The following CLIC2 variants were observed in gnomAD, a reference collection of about 807,000 sequenced individuals.
CLIC2 encodes CLIC family member 2, also known as chloride intracellular channel protein 2.
Under a neutral mutation model 14.8 loss-of-function variants are expected in CLIC2, and 9 were observed. The observed-to-expected ratio is 0.61, with a 90% CI of 0.37 to 1.06. CLIC2 has a LOEUF of 1.06. CLIC2 is among the 50% of genes least tolerant of loss of function. The probability of loss-of-function intolerance (pLI) is 0.01; values close to 1 mark genes in which losing one functional copy is unlikely to be tolerated. For missense variants in CLIC2, 148 were observed against 181.4 expected, an observed-to-expected ratio of 0.82 and a Z score of 1.06; for synonymous variants, 61 against 66.3, an observed-to-expected ratio of 0.92 and a Z score of 0.39.
intron 1 of CLIC2, among the ~76,000 whole-genome samples, chrX:155,313,396 A>T (rs1557320809): frequency 9.0e-6 from 1 of 111,730 alleles, no homozygotes; most frequent in Admixed American, 9.5e-5. Context: ...AAATTATTTT[A>T]TCATAAAGAT....
At chrX:155,297,474 C>A (rs781860485) in intron 3 of CLIC2, among the ~76,000 whole-genome samples, 1 of 109,924 alleles carries the variant, frequency 9.1e-6, no homozygotes, top group East Asian at 2.9e-4. Context: ...TTGACTTTAT[C>A]ACTATGCATT....
intron 1 of CLIC2, among the ~76,000 whole-genome samples, chrX:155,306,002 G>A (rs908131997): frequency 5.4e-5 from 6 of 111,524 alleles, no homozygotes; most frequent in African/African-American, 1.6e-4. Flanking sequence ...TCATTTATTT[G>A]GATTTTGTTT....
At chrX:155,306,595 T>G (rs1409046719) in intron 1 of CLIC2, among the ~76,000 whole-genome samples, 5 of 111,619 alleles carry the variant, frequency 4.5e-5, no homozygotes, top group Non-Finnish European at 7.5e-5. Flanking sequence ...AAAAGAGGTT[T>G]AATTGGCTCA....
At chrX:155,307,010 G>A (rs782367910) in intron 1 of CLIC2, among the ~76,000 whole-genome samples, 10 of 111,416 alleles carry the variant, frequency 9.0e-5, no homozygotes, top group Admixed American at 1.9e-4. Context: ...GAGTTTATTG[G>A]TGGACCCTCT....
At chrX:155,293,649 A>G (rs1297011257) in intron 3 of CLIC2, among the ~76,000 whole-genome samples, 1 of 112,210 alleles carries the variant, frequency 8.9e-6, no homozygotes, top group Non-Finnish European at 1.9e-5. Flanking sequence ...ACATAATCCA[A>G]CTACATAGTA....
chrX:155,305,328 T>A (rs782438433), intron 1 of CLIC2, among the ~76,000 whole-genome samples: 1 of 112,057 alleles, frequency 8.9e-6, no homozygotes, highest in Non-Finnish European at 1.9e-5. Flanking sequence ...GTGGGAGTGA[T>A]CCGATTTTCC....
chrX:155,302,643 GCT>G (rs2075024737), intron 1 of CLIC2, among the ~76,000 whole-genome samples: 1 of 63,894 alleles, frequency 1.6e-5, no homozygotes, highest in African/African-American at 5.1e-5. Context: ...GTTTGCTCTT[GCT>G]TTTCTAGTTC....
At chrX:155,305,254 C>CGA (rs1261598833) in intron 1 of CLIC2, among the ~76,000 whole-genome samples, 1 of 112,269 alleles carries the variant, frequency 8.9e-6, no homozygotes, top group African/African-American at 3.2e-5. Flanking sequence ...TGGGACCCTC[C>CGA]GAGCCAGGTG....
At chrX:155,278,467 G>T (rs1187113402) in intron 5 of CLIC2, among the ~76,000 whole-genome samples, 1 of 111,993 alleles carries the variant, frequency 8.9e-6, no homozygotes, top group Non-Finnish European at 1.9e-5. Flanking sequence ...TTAAATTTAT[G>T]ATTAATTCAT....
At chrX:155,321,962 G>C (rs1284502220) in intron 1 of CLIC2, among the ~76,000 whole-genome samples, 1 of 111,322 alleles carries the variant, frequency 9.0e-6, no homozygotes, top group Non-Finnish European at 1.9e-5. Flanking sequence ...AAAAGACAAA[G>C]AAGGGTATTA....
intron 1 of CLIC2, among the ~76,000 whole-genome samples, chrX:155,334,027 A>G (rs1557323072): frequency 9.0e-6 from 1 of 111,026 alleles, no homozygotes; most frequent in Non-Finnish European, 1.9e-5. Flanking sequence ...TCATCTTGTC[A>G]TGCTCCTTCA....
At chrX:155,293,125 C>T (rs1324329332) in intron 3 of CLIC2, 5 of 627,733 alleles carry the variant, frequency 8.0e-6, no homozygotes, top group Non-Finnish European at 5.5e-6. Context: ...TGATGAGAAG[C>T]GGAAAAATAA....
At chrX:155,297,860 C>CAAAAAA (rs200891873) in intron 3 of CLIC2, among the ~76,000 whole-genome samples, 1 of 5,123 alleles carries the variant, frequency 2.0e-4, no homozygotes, top group African/African-American at 4.3e-4. Flanking sequence ...ACTCCGGTCT[C>CAAAAAA]AAAAAAAAAA....
rs1248804942 is a variant in CLIC2, at chrX:155,304,854, G to C, written c.58-5709C>G. ...GTACCCTGCCGTGTGAGGTGTCAGT[G>C]TGCCCCTGCTGGGGGGTGCCTCCCA... On this transcript the variant is annotated intron_variant, in intron 1 of 5. Transcript: ENST00000369449. Among the ~76,000 whole-genome samples the C allele has an allele frequency of 4.9e-4, 43 of 88,269 alleles. 1 individual carries two copies. Among genetic ancestry groups the C allele is most frequent in the East Asian group, 1.5e-3 (4 of 2,624 alleles). 76.7% of individuals were successfully genotyped at this position (88,269 alleles called of 115,157 possible). A position where few individuals can be genotyped will look rare whatever the true frequency, so the allele number is the denominator to read the frequency against.
chrX:155,286,207 C>T lies in CLIC2; in HGVS notation c.294-6139G>A, dbSNP rs1266532762. 8.0e-5 allele frequency among the ~76,000 whole-genome samples: 9 copies of T among 111,958 alleles called. No homozygotes were observed. The East Asian group carries it at 2.5e-3, about 31-fold the overall frequency. ...TCATGAGTTCTCATCATTTAGCTCC[C>T]GCTTATATATGCGAACATGTAGTAT... On this transcript the variant is annotated intron_variant, in intron 3 of 5. Transcript: ENST00000369449.
chrX:155,279,193 T>A lies in CLIC2; in HGVS notation c.538A>T (p.Thr180Ser). The A allele has an allele frequency of 8.3e-7, 1 of 1,211,024 alleles. No individual in the cohort carries two copies. The highest frequency in any genetic ancestry group is 1.1e-6 in the Non-Finnish European group (1 of 894,915). ...RRLFLDGDQLTLADCSLLPKL... is the reference protein window; with the variant it reads ...RRLFLDGDQLSLADCSLLPKL... Reference sequence around the variant, plus strand: ...GGTAACAAGCTACAATCAGCCAGTGTTAGCTGGTCCCCATCCAAGAATAGT... The same window carrying A: ...GGTAACAAGCTACAATCAGCCAGTGATAGCTGGTCCCCATCCAAGAATAGT... Residue 180 changes from threonine (T) to serine (S), a missense_variant, in exon 5 of 6, where the codon ACA becomes TCA. Transcript: ENST00000369449.
In CLIC2 at chrX:155,313,893, G is replaced by A. The variant is rs782419026; in HGVS notation, c.58-14748C>T. ...TTAGGACTGCAGGCTGCATGGGTGCGGGATGAGCCTGTGACTGCCAGCTTT... is the reference window on the plus strand; with the variant it reads ...TTAGGACTGCAGGCTGCATGGGTGCAGGATGAGCCTGTGACTGCCAGCTTT... On this transcript the variant is annotated intron_variant, in intron 1 of 5. Transcript: ENST00000369449. Among the ~76,000 whole-genome samples, 19 of 111,599 alleles carry A rather than the reference G, an allele frequency of 1.7e-4. No homozygotes were observed. The East Asian group carries it at 4.0e-3, about 23-fold the overall frequency.
chrX:155,291,353 C>G, intron 3 of CLIC2: 3 of 803,892 alleles, frequency 3.7e-6, no homozygotes, highest in Non-Finnish European at 5.7e-6. Flanking sequence ...TCTTCACTTG[C>G]TTGGATGCAG....
intron 3 of CLIC2, chrX:155,292,069 G>T: frequency 8.9e-6 from 5 of 560,019 alleles, no homozygotes; most frequent in South Asian, 6.7e-5. Context: ...ATGGTTCTAG[G>T]AGCTGTGAAA....
Sources: gnomAD v4.1 joint callset for allele counts (sites outside exome capture counted in the v4.1 genomes callset) on GRCh38, gnomAD v4.1.1 for gene constraint, MANE v1.5 for transcripts, NCBI Gene and HGNC (gene_info 2026-07-23, HGNC 2026-07-21) for gene names.